The following PRKN variants were observed in gnomAD, a reference collection of about 807,000 sequenced individuals.
PRKN encodes the protein parkin RBR E3 ubiquitin protein ligase.
A neutral mutation model predicts 59.5 loss-of-function variants in PRKN; 56 were observed. That is an observed-to-expected ratio of 0.94 (90% CI 0.76 to 1.18). The LOEUF (loss-of-function observed/expected upper bound fraction) is 1.18. Ranked by LOEUF, PRKN falls within the 50% of genes most tolerant of loss-of-function variation. PRKN has a pLI of 0.00. For synonymous variants in PRKN, 250 were observed against 222.1 expected (o/e 1.13, Z -1.12); for missense variants, 657 against 596.4 (o/e 1.10, Z -1.06).
At chr6:162,537,678 A>G (rs1441513120) in intron 1 of PRKN, among the ~76,000 whole-genome samples, 4 of 152,168 alleles carry the variant, frequency 2.6e-5, no homozygotes, top group Non-Finnish European at 5.9e-5. Context: ...TGTGTGAAAT[A>G]GATGACTCCT....
At position 161,419,374 on chromosome 6, in the gene PRKN, CCTTTTTT is replaced by C. The variant is rs1473272439; in HGVS notation, c.1084-32504_1084-32498del. 2.8e-5 allele frequency among the ~76,000 whole-genome samples: 4 copies of C among 141,996 alleles called. No individual in the cohort carries two copies. The highest frequency in any genetic ancestry group is 7.9e-5 in the African/African-American group (3 of 37,810). The allele number at this position is 141,996 out of a possible 152,430, so 93.2% of individuals were successfully genotyped here. On this transcript the variant is annotated intron_variant, in intron 9 of 11. Transcript: ENST00000366898. This position sits in a 1 kb window ranked among gnomAD's most constrained non-coding sequence, Gnocchi z 4.1. ...CCTAACCACAACACAGAGGGCCTTT[CCTTTTTT>C]CTTTTTTCTTCTTCTTTTTTTTTTT...
rs1203157751 is a variant in PRKN, at chr6:161,372,016, G to A, written c.1168-11811C>T. On this transcript the variant is annotated intron_variant, in intron 10 of 11. Coordinates refer to ENST00000366898, the MANE Select transcript of PRKN (RefSeq NM_004562.3). This position sits in a 1 kb window ranked among gnomAD's most constrained non-coding sequence, Gnocchi z 4.2. Reference sequence around the variant, plus strand: ...GGAATGTGTGCCAAGTGCCACAGACGAGATCTTACAGAGTCTTGCCCCATG... The same window carrying A: ...GGAATGTGTGCCAAGTGCCACAGACAAGATCTTACAGAGTCTTGCCCCATG... 2.0e-5 allele frequency among the ~76,000 whole-genome samples: 3 copies of A among 152,154 alleles called. No homozygotes were observed. The highest frequency in any genetic ancestry group is 2.1e-4 in the South Asian group (1 of 4,832).
At position 161,533,860 on chromosome 6, in the gene PRKN, ACGATG is replaced by A. The variant is rs1436872887; in HGVS notation, c.1083+14989_1083+14993del. On this transcript the variant is annotated intron_variant, in intron 9 of 11. Transcript: ENST00000366898. The surrounding 1 kb of genome is among the most constrained non-coding windows in gnomAD (Gnocchi z 4.1). ...GAACCCTGGGGATTTACCCTAGACT[ACGATG>A]CTGCTTCACTAGTAGGAAGAGAAAA... 3.9e-5 allele frequency among the ~76,000 whole-genome samples: 6 copies of A among 152,034 alleles called. No individual in the cohort carries two copies. Among genetic ancestry groups the A allele is most frequent in the African/African-American group, 9.7e-5 (4 of 41,386 alleles).
chr6:162,675,557 C>CTAA (rs1779513529), intron 1 of PRKN, among the ~76,000 whole-genome samples: 1 of 152,128 alleles, frequency 6.6e-6, no homozygotes, highest in Non-Finnish European at 1.5e-5. Context: ...GACACTTACT[C>CTAA]TATCACTAAA....
chr6:162,564,003 A>C (rs894274005), intron 1 of PRKN, among the ~76,000 whole-genome samples: 4 of 152,168 alleles, frequency 2.6e-5, no homozygotes, highest in Admixed American at 2.6e-4. Context: ...AACCACAATA[A>C]ATTATGCCTT....
intron 1 of PRKN, among the ~76,000 whole-genome samples, chr6:162,523,949 C>T (rs1173892451): frequency 6.6e-6 from 1 of 152,044 alleles, no homozygotes; most frequent in African/African-American, 2.4e-5. Context: ...TGAATAAGCA[C>T]AACGGCTAGA....
chr6:162,343,636 T>C (rs1195279074), intron 2 of PRKN, among the ~76,000 whole-genome samples: 1 of 152,200 alleles, frequency 6.6e-6, no homozygotes. Flanking sequence ...TTTCTGAATA[T>C]GCATTTAGTA....
At chr6:161,862,478 A>G (rs1206174679) in intron 6 of PRKN, among the ~76,000 whole-genome samples, 4 of 152,228 alleles carry the variant, frequency 2.6e-5, no homozygotes, top group Non-Finnish European at 5.9e-5. Context: ...ATACAGAAAT[A>G]AATGAATGAA....
chr6:161,549,209 C>A lies in PRKN; in HGVS notation c.934-206G>T, dbSNP rs114928122. On this transcript the variant is annotated intron_variant, in intron 8 of 11. Coordinates refer to ENST00000366898, the MANE Select transcript of PRKN (RefSeq NM_004562.3). This position sits in a 1 kb window ranked among gnomAD's most constrained non-coding sequence, Gnocchi z 6.0. Reference sequence around the variant, plus strand: ...TATGGTTCAATGCAGTAAAAGTCTACCAAATTCAACTGGCAAGACATATAA... The same window carrying A: ...TATGGTTCAATGCAGTAAAAGTCTAACAAATTCAACTGGCAAGACATATAA... Among the ~76,000 whole-genome samples the A allele has an allele frequency of 0.014, 2,128 of 152,132 alleles. 27 individuals carry two copies. Among genetic ancestry groups the A allele is most frequent in the African/African-American group, 0.022 (920 of 41,502 alleles).
At chr6:162,420,365 AT>A (rs1268517088) in intron 2 of PRKN, among the ~76,000 whole-genome samples, 3 of 152,136 alleles carry the variant, frequency 2.0e-5, no homozygotes, top group African/African-American at 7.2e-5. Flanking sequence ...TTTGTCTTCT[AT>A]TAGTTAAAAG....
chr6:161,479,062 A>T (rs910544702), intron 9 of PRKN, among the ~76,000 whole-genome samples: 1 of 152,192 alleles, frequency 6.6e-6, no homozygotes, highest in African/African-American at 2.4e-5. Context: ...TTGCTTATAG[A>T]TGTGCAGAAA....
intron 9 of PRKN, among the ~76,000 whole-genome samples, chr6:161,482,744 T>A (rs1038068154): frequency 4.6e-5 from 7 of 152,180 alleles, no homozygotes; most frequent in Admixed American, 4.6e-4. Flanking sequence ...ATGACCCCAA[T>A]TCTGGCATTG....
intron 1 of PRKN, among the ~76,000 whole-genome samples, chr6:162,550,221 G>A (rs1438474250): frequency 2.0e-5 from 3 of 152,080 alleles, no homozygotes; most frequent in East Asian, 1.9e-4. Flanking sequence ...CAGTAGCTTC[G>A]GCCTTTAGGT....
intron 6 of PRKN, among the ~76,000 whole-genome samples, chr6:161,863,720 G>A (rs1029474276): frequency 2.0e-5 from 3 of 152,092 alleles, no homozygotes; most frequent in African/African-American, 4.8e-5. Flanking sequence ...GCAGGCTTGA[G>A]ATCCAAGAGA....
At chr6:162,387,522 C>T (rs1244028316) in intron 2 of PRKN, among the ~76,000 whole-genome samples, 1 of 141,248 alleles carries the variant, frequency 7.1e-6, no homozygotes, top group Non-Finnish European at 1.5e-5. Context: ...TCTTATAAAC[C>T]CTCCTCACAA....
chr6:161,649,354 C>T (rs910770687), intron 7 of PRKN, among the ~76,000 whole-genome samples: 1 of 152,160 alleles, frequency 6.6e-6, no homozygotes, highest in Non-Finnish European at 1.5e-5. Flanking sequence ...TGTCATGATG[C>T]AACAGTGAAG....
intron 6 of PRKN, among the ~76,000 whole-genome samples, chr6:161,794,970 C>T (rs1006316514): frequency 3.3e-5 from 5 of 151,986 alleles, no homozygotes; most frequent in East Asian, 1.9e-4. Context: ...CTGCAAGCTC[C>T]GCCTCCCGGG....
chr6:161,957,427 TGTTTGTTTG>T (rs1562418273), intron 6 of PRKN, among the ~76,000 whole-genome samples: 17 of 135,986 alleles, frequency 1.3e-4, no homozygotes, highest in Admixed American at 3.6e-4. Flanking sequence ...TTTGTTTGTT[TGTTTGTTTG>T]TTTTTTTGAG....
At chr6:162,165,674 G>C (rs1782944919) in intron 4 of PRKN, among the ~76,000 whole-genome samples, 1 of 149,242 alleles carries the variant, frequency 6.7e-6, no homozygotes, top group African/African-American at 2.5e-5. Context: ...TCAGAGGTTT[G>C]ACCTTTTGCT....
Sources: gnomAD v4.1 joint callset for allele counts (sites outside exome capture counted in the v4.1 genomes callset) on GRCh38, gnomAD v4.1.1 for gene constraint, Gnocchi (gnomAD v3.1) non-coding constraint, MANE v1.5 for transcripts, NCBI Gene and HGNC (gene_info 2026-07-23, HGNC 2026-07-21) for gene names.